Variants in ZC3H12B observed in about 807,000 individuals in gnomAD.
ZC3H12B encodes the protein probable ribonuclease ZC3H12B.
In ZC3H12B, 7 loss-of-function variants were observed where a neutral mutation model predicts 43.9. The observed-to-expected ratio is 0.16, with a 90% CI of 0.09 to 0.30. ZC3H12B has a LOEUF of 0.30. Ranked by LOEUF, ZC3H12B falls within the 10% of genes least tolerant of loss-of-function variation. The probability of loss-of-function intolerance (pLI) is 1.00; values close to 1 mark genes in which losing one functional copy is unlikely to be tolerated. For missense variants in ZC3H12B, 475 were observed against 670.2 expected (o/e 0.71, Z 3.22); for synonymous variants, 222 against 241.7 (o/e 0.92, Z 0.76).
At chrX:65,117,281 G>A in the ZC3H12B span, among the ~76,000 whole-genome samples, 6 of 111,873 alleles carry the variant, frequency 5.4e-5, no homozygotes, top group Admixed American at 5.7e-4. Flanking sequence ...ATCTCATTGT[G>A]GTTTGGATTT....
chrX:65,209,855 G>T, the ZC3H12B span, among the ~76,000 whole-genome samples: 1 of 99,068 alleles, frequency 1.0e-5, no homozygotes, highest in Non-Finnish European at 2.0e-5. Context: ...TGGGAAAACT[G>T]GCTAGCCATA....
At chrX:65,073,315 G>T in the ZC3H12B span, among the ~76,000 whole-genome samples, 1 of 112,513 alleles carries the variant, frequency 8.9e-6, no homozygotes, top group Non-Finnish European at 1.9e-5. Context: ...CTGCAGTGGA[G>T]TGTGGGAGGG....
At chrX:65,127,679 T>C in the ZC3H12B span, among the ~76,000 whole-genome samples, 4 of 110,977 alleles carry the variant, frequency 3.6e-5, no homozygotes, top group African/African-American at 1.3e-4. Context: ...CTCAGCCTCT[T>C]CTTGGGCATG....
chrX:65,493,414 G>A (rs901092872), intron 1 of ZC3H12B, among the ~76,000 whole-genome samples: 5 of 111,407 alleles, frequency 4.5e-5, no homozygotes, highest in African/African-American at 1.3e-4. Flanking sequence ...ATGATGCTTC[G>A]TTTGCCATTA....
chrX:65,216,973 A>G, the ZC3H12B span, among the ~76,000 whole-genome samples: 6 of 111,475 alleles, frequency 5.4e-5, no homozygotes, highest in Admixed American at 1.9e-4. Context: ...CACAGGCCTT[A>G]GACTGGTGCC....
chrX:65,070,024 GA>G, the ZC3H12B span, among the ~76,000 whole-genome samples: 2 of 108,140 alleles, frequency 1.8e-5, no homozygotes, highest in Non-Finnish European at 3.8e-5. Context: ...GAGTGGTACA[GA>G]TTTTTTTTTT....
chrX:65,040,950 C>G, the ZC3H12B span, among the ~76,000 whole-genome samples: 1 of 110,980 alleles, frequency 9.0e-6, no homozygotes, highest in Non-Finnish European at 1.9e-5. Context: ...ACGCCCAGCT[C>G]TATTTTCAGT....
intron 3 of ZC3H12B, among the ~76,000 whole-genome samples, chrX:65,421,896 C>A (rs2067022321): frequency 9.3e-6 from 1 of 107,045 alleles, no homozygotes; most frequent in African/African-American, 3.4e-5. Context: ...TGCAGTGAGC[C>A]GAGATCGTGC....
chrX:65,059,814 T>C, the ZC3H12B span, among the ~76,000 whole-genome samples: 1 of 111,921 alleles, frequency 8.9e-6, no homozygotes, highest in Non-Finnish European at 1.9e-5. Flanking sequence ...CTACTGTTAG[T>C]ATGGGCATTT....
At chrX:65,138,076 C>T in the ZC3H12B span, among the ~76,000 whole-genome samples, 7 of 112,376 alleles carry the variant, frequency 6.2e-5, no homozygotes, top group East Asian at 1.4e-3. Context: ...GCAATCCTCC[C>T]GCCTCTGCCT....
chrX:65,343,528 C>T, the ZC3H12B span, among the ~76,000 whole-genome samples: 1 of 111,969 alleles, frequency 8.9e-6, no homozygotes, highest in East Asian at 2.8e-4. Context: ...TCACTACACA[C>T]AAATCAAGAA....
the ZC3H12B span, among the ~76,000 whole-genome samples, chrX:65,240,288 TTTTTG>T: frequency 8.9e-6 from 1 of 111,832 alleles, no homozygotes; most frequent in African/African-American, 3.2e-5. Context: ...TTTTTTTCCC[TTTTTG>T]TTTTGTCTGT....
the ZC3H12B span, among the ~76,000 whole-genome samples, chrX:65,184,040 C>A: frequency 9.0e-6 from 1 of 111,021 alleles, no homozygotes; most frequent in Non-Finnish European, 1.9e-5. Context: ...TGAGGTTGAA[C>A]TTGTTCAGTT....
chrX:65,435,512 A>T (rs2067208812), intron 3 of ZC3H12B, among the ~76,000 whole-genome samples: 3 of 111,694 alleles, frequency 2.7e-5, no homozygotes, highest in African/African-American at 9.8e-5. Context: ...AAGTGTGATG[A>T]CATTAGAGAG....
the ZC3H12B span, among the ~76,000 whole-genome samples, chrX:65,216,389 C>T: frequency 1.8e-5 from 2 of 111,157 alleles, no homozygotes; most frequent in East Asian, 5.7e-4. Context: ...CAACACTGGG[C>T]AGAACTTTGC....
At chrX:65,361,484 T>G in the ZC3H12B span, among the ~76,000 whole-genome samples, 1 of 112,456 alleles carries the variant, frequency 8.9e-6, no homozygotes, top group Non-Finnish European at 1.9e-5. Context: ...TTAGAAAATA[T>G]AATTACAAAT....
At chrX:65,126,271 C>A in the ZC3H12B span, among the ~76,000 whole-genome samples, 7 of 110,765 alleles carry the variant, frequency 6.3e-5, no homozygotes, top group Non-Finnish European at 1.1e-4. Flanking sequence ...ATACAGAATT[C>A]TTGGCTGATA....
intron 3 of ZC3H12B, among the ~76,000 whole-genome samples, chrX:65,400,562 G>T (rs1176604178): frequency 9.0e-6 from 1 of 111,646 alleles, no homozygotes; most frequent in African/African-American, 3.2e-5. Context: ...TAATAATGTT[G>T]ATTGAAATCA....
At chrX:65,376,528 G>C (rs762911441) in intron 2 of ZC3H12B, among the ~76,000 whole-genome samples, 3 of 111,660 alleles carry the variant, frequency 2.7e-5, no homozygotes, top group Non-Finnish European at 5.6e-5. Context: ...GGTACTCACT[G>C]GGCTGCTTAA....
Sources: gnomAD v4.1 joint callset for allele counts (sites outside exome capture counted in the v4.1 genomes callset) on GRCh38, gnomAD v4.1.1 for gene constraint, MANE v1.5 for transcripts, NCBI Gene and HGNC (gene_info 2026-07-23, HGNC 2026-07-21) for gene names.